Variants in SPTLC3 observed in about 807,000 individuals in gnomAD.
The protein encoded by SPTLC3 is serine palmitoyltransferase long chain base subunit 3.
Under a neutral mutation model 59.3 loss-of-function variants are expected in SPTLC3, and 36 were observed. The observed-to-expected ratio is 0.61, with a 90% CI of 0.47 to 0.80. The LOEUF is 0.80. Ranked by LOEUF, SPTLC3 falls within the 30% of genes least tolerant of loss-of-function variation. SPTLC3 has a pLI of 0.00. For missense variants in SPTLC3, 625 were observed against 685.1 expected, an observed-to-expected ratio of 0.91 and a Z score of 0.98; for synonymous variants, 257 against 240.8, an observed-to-expected ratio of 1.07 and a Z score of -0.62.
chr20:13,017,936 G>A (rs926409450), intron 1 of SPTLC3, among the ~76,000 whole-genome samples: 5 of 152,100 alleles, frequency 3.3e-5, no homozygotes, highest in Admixed American at 6.5e-5. Flanking sequence ...GCCCATTCTT[G>A]GAATCCAGCC....
At chr20:13,043,655 T>C (rs996290739) in intron 1 of SPTLC3, among the ~76,000 whole-genome samples, 3 of 152,208 alleles carry the variant, frequency 2.0e-5, no homozygotes, top group Admixed American at 6.5e-5. Context: ...TACTGTCTCT[T>C]ACCTTTATCT....
chr20:13,093,686 A>G (rs1389823812), intron 6 of SPTLC3, 109 bp downstream of exon 6: 4 of 918,346 alleles, frequency 4.4e-6, no homozygotes, highest in Non-Finnish European at 6.5e-6. Context: ...TAGCCTCATG[A>G]AACACAATTA....
chr20:13,165,634 A>C lies in SPTLC3; in HGVS notation c.*767A>C, dbSNP rs1196328022. 1.3e-5 allele frequency: 2 copies of C among 152,244 alleles called. No homozygotes were observed. The highest frequency in any genetic ancestry group is 2.9e-5 in the Non-Finnish European group (2 of 68,042). The allele number at this position is 152,244 out of a possible 1,614,324, so 9.4% of individuals were successfully genotyped here. ...ACTTTTAGGTCTAGACTAAAATGGT[A>C]GTTACAACAATTTGAACCTTGTTGG... On this transcript the variant is annotated 3_prime_UTR_variant, in exon 12 of 12. Coordinates refer to ENST00000399002, the MANE Select transcript of SPTLC3 (RefSeq NM_018327.4).
intron 9 of SPTLC3, 138 bp downstream of exon 9, chr20:13,126,855 A>G: frequency 8.1e-7 from 1 of 1,239,210 alleles, no homozygotes; most frequent in Non-Finnish European, 1.1e-6. Flanking sequence ...AAATGCACAA[A>G]ACTGCCGTTA....
intron 1 of SPTLC3, among the ~76,000 whole-genome samples, chr20:13,027,832 T>C (rs1228642201): frequency 6.6e-6 from 1 of 152,192 alleles, no homozygotes; most frequent in East Asian, 1.9e-4. Flanking sequence ...GCAAAGTGAT[T>C]TTACATGGCA....
At chr20:13,066,153 A>T in intron 2 of SPTLC3, among the ~76,000 whole-genome samples, 1 of 152,254 alleles carries the variant, frequency 6.6e-6, no homozygotes. Flanking sequence ...CGTAAGTGAG[A>T]TCATATGCAG....
intron 1 of SPTLC3, among the ~76,000 whole-genome samples, chr20:13,048,565 A>G (rs1419369314): frequency 6.6e-6 from 1 of 152,230 alleles, no homozygotes; most frequent in Non-Finnish European, 1.5e-5. Flanking sequence ...TACACATAAC[A>G]GGAGTGTAGA....
chr20:13,093,981 TC>T (rs1422301732), intron 6 of SPTLC3, among the ~76,000 whole-genome samples: 7 of 152,166 alleles, frequency 4.6e-5, no homozygotes, highest in African/African-American at 1.7e-4. Flanking sequence ...GAAGAATGCC[TC>T]CTTTCACTTT....
intron 4 of SPTLC3, among the ~76,000 whole-genome samples, chr20:13,089,214 T>G (rs368661369): frequency 2.6e-5 from 4 of 152,310 alleles, no homozygotes; most frequent in African/African-American, 2.4e-5. Context: ...ATAGCGGCCC[T>G]AAACATGCTA....
At chr20:13,120,444 T>C (rs962909055) in intron 8 of SPTLC3, among the ~76,000 whole-genome samples, 1 of 152,204 alleles carries the variant, frequency 6.6e-6, no homozygotes, top group African/African-American at 2.4e-5. Context: ...CATAGGGTTC[T>C]CAGTAAACCC....
intron 8 of SPTLC3, among the ~76,000 whole-genome samples, chr20:13,122,351 C>T (rs1391140049): frequency 6.6e-6 from 1 of 152,220 alleles, no homozygotes; most frequent in African/African-American, 2.4e-5. Context: ...AACTCCCCAC[C>T]TGCTCCAAAA....
intron 9 of SPTLC3, among the ~76,000 whole-genome samples, chr20:13,142,538 G>A (rs908004805): frequency 1.3e-5 from 2 of 152,176 alleles, no homozygotes; most frequent in African/African-American, 2.4e-5. Context: ...CCCAGTGTGT[G>A]GGTCTGGGCT....
intron 11 of SPTLC3, among the ~76,000 whole-genome samples, 173 bp downstream of exon 11, chr20:13,160,305 T>C (rs983325314): frequency 2.0e-5 from 3 of 152,220 alleles, no homozygotes; most frequent in African/African-American, 7.2e-5. Context: ...GCCAACACTG[T>C]GACCACTCAG....
At chr20:13,044,217 C>G (rs1180857321) in intron 1 of SPTLC3, among the ~76,000 whole-genome samples, 2 of 151,878 alleles carry the variant, frequency 1.3e-5, no homozygotes, top group Non-Finnish European at 2.9e-5. Flanking sequence ...CCCCCTGCCT[C>G]AGCCTCCTGA....
At chr20:13,060,421 G>T (rs557613218) in intron 2 of SPTLC3, among the ~76,000 whole-genome samples, 1 of 138,250 alleles carries the variant, frequency 7.2e-6, no homozygotes, top group African/African-American at 2.6e-5. Flanking sequence ...TATTTATCTG[G>T]GGGATTGTCC....
At chr20:13,067,706 T>C (rs987964467) in intron 2 of SPTLC3, among the ~76,000 whole-genome samples, 1 of 152,178 alleles carries the variant, frequency 6.6e-6, no homozygotes, top group African/African-American at 2.4e-5. Context: ...GTTAGGTTCT[T>C]ATACTTCAAA....
At chr20:13,069,986 CACA>C (rs1196504816) in intron 2 of SPTLC3, among the ~76,000 whole-genome samples, 1 of 151,910 alleles carries the variant, frequency 6.6e-6, no homozygotes, top group Non-Finnish European at 1.5e-5. Flanking sequence ...AATAGAGAAA[CACA>C]ACATTTGGGG....
chr20:13,013,245 A>C (rs3859619), intron 1 of SPTLC3, among the ~76,000 whole-genome samples: 30,324 of 152,182 alleles, frequency 0.2, 3,634 homozygotes, highest in South Asian at 0.38. Flanking sequence ...TATCCTCTTG[A>C]AGTCTGCAAT....
intron 8 of SPTLC3, among the ~76,000 whole-genome samples, chr20:13,125,270 G>A (rs1331917491): frequency 1.3e-5 from 2 of 152,206 alleles, no homozygotes; most frequent in Non-Finnish European, 2.9e-5. Context: ...GGTGAAAAAT[G>A]GCTCCTACCA....
Sources: gnomAD v4.1 joint callset for allele counts (sites outside exome capture counted in the v4.1 genomes callset) on GRCh38, gnomAD v4.1.1 for gene constraint, MANE v1.5 for transcripts, NCBI Gene and HGNC (gene_info 2026-07-23, HGNC 2026-07-21) for gene names.